The following RNF38 variants were observed in gnomAD, a reference collection of about 807,000 sequenced individuals.
The protein encoded by RNF38 is ring finger protein 38.
In RNF38, 15 loss-of-function variants were observed where a neutral mutation model predicts 67.2. The ratio of observed to expected loss-of-function variants is 0.22; its 90% CI spans 0.15 to 0.34. The LOEUF (loss-of-function observed/expected upper bound fraction) is 0.34. RNF38 is among the 10% of genes least tolerant of loss of function. RNF38 has a pLI of 1.00. For synonymous variants in RNF38, 220 were observed against 218.8 expected (o/e 1.01, Z -0.05); for missense variants, 524 against 639.9 (o/e 0.82, Z 1.95).
chr9:36,417,098 T>C (rs10972890), intron 2 of RNF38, among the ~76,000 whole-genome samples: 159 of 152,216 alleles, frequency 1.0e-3, no homozygotes, highest in African/African-American at 3.4e-3. Flanking sequence ...GCTCTCTAAA[T>C]TCGTATCAGC....
At chr9:36,446,462 T>C (rs1839302412) in intron 1 of RNF38, among the ~76,000 whole-genome samples, 1 of 152,246 alleles carries the variant, frequency 6.6e-6, no homozygotes, top group Non-Finnish European at 1.5e-5. Flanking sequence ...ACTGTTTCTT[T>C]CTTTCTTTTA....
At chr9:36,469,231 TATAG>T (rs1309771766) in intron 1 of RNF38, among the ~76,000 whole-genome samples, 3 of 152,204 alleles carry the variant, frequency 2.0e-5, no homozygotes, top group African/African-American at 7.2e-5. Flanking sequence ...GCCCTTTCTA[TATAG>T]AGAGAGAGAC....
rs1337955482 is a variant in RNF38 at position 36,458,836 on chromosome 9, A to G, written n.241+28472T>C. 3.9e-5 allele frequency among the ~76,000 whole-genome samples: 6 copies of G among 152,332 alleles called. No individual in the cohort carries two copies. The East Asian group carries it at 9.6e-4, about 24-fold the overall frequency. ...TTCACCAGTCACAAGACAGAGAGAC[A>G]AGTCCACTATATATCCTGACCAACA... On this transcript the variant is annotated intron_variant and non_coding_transcript_variant, in intron 1 of 3. Transcript: ENST00000488058.
intron 2 of RNF38, among the ~76,000 whole-genome samples, chr9:36,376,927 A>C (rs1835834448): frequency 4.8e-5 from 1 of 21,004 alleles, no homozygotes; most frequent in Non-Finnish European, 1.1e-4. Flanking sequence ...ACTCTGTCTC[A>C]AAAAAAAAAA....
At chr9:36,359,254 T>C (rs1016587227) in intron 4 of RNF38, among the ~76,000 whole-genome samples, 1 of 152,064 alleles carries the variant, frequency 6.6e-6, no homozygotes. Context: ...ATCCTTTATT[T>C]AATGGCATAT....
At chr9:36,427,694 T>C (rs13288655) in intron 1 of RNF38, among the ~76,000 whole-genome samples, 1 of 77,284 alleles carries the variant, frequency 1.3e-5, no homozygotes, top group African/African-American at 4.0e-5. Context: ...TATCTATCTA[T>C]CTATCTATCT....
intron 2 of RNF38, among the ~76,000 whole-genome samples, chr9:36,388,238 T>C (rs1483524610): frequency 2.0e-5 from 3 of 152,160 alleles, no homozygotes; most frequent in Admixed American, 6.5e-5. Context: ...TGGTTTCTTA[T>C]ACTAGATGGT....
intron 9 of RNF38, among the ~76,000 whole-genome samples, chr9:36,345,219 A>T (rs1007847400): frequency 1.3e-5 from 2 of 152,202 alleles, no homozygotes; most frequent in Admixed American, 6.5e-5. Flanking sequence ...GAAAAAATCT[A>T]AACACATACA....
intron 9 of RNF38, 38 bp downstream of exon 9, chr9:36,351,077 C>A (rs10972865): frequency 5.7e-6 from 8 of 1,408,714 alleles, no homozygotes; most frequent in East Asian, 2.3e-5. Context: ...TTCATGCACA[C>A]AATATTCCCC....
intron 4 of RNF38, among the ~76,000 whole-genome samples, chr9:36,358,480 C>A (rs1452466506): frequency 6.6e-6 from 1 of 152,140 alleles, no homozygotes. Context: ...TAAAATGTCA[C>A]ATTTATTTTT....
At chr9:36,430,876 A>G (rs775893837) in intron 1 of RNF38, among the ~76,000 whole-genome samples, 7 of 152,054 alleles carry the variant, frequency 4.6e-5, no homozygotes, top group Admixed American at 2.0e-4. Flanking sequence ...TGGCTTTTCT[A>G]TACTCTCACA....
chr9:36,398,600 AACTAT>A (rs1395234787), intron 1 of RNF38, among the ~76,000 whole-genome samples: 1 of 152,198 alleles, frequency 6.6e-6, no homozygotes, highest in East Asian at 1.9e-4. Flanking sequence ...ACTAGACAAG[AACTAT>A]ACTGTTCAAA....
chr9:36,350,316 C>T (rs897858503), intron 9 of RNF38, among the ~76,000 whole-genome samples: 2 of 152,232 alleles, frequency 1.3e-5, no homozygotes, highest in Admixed American at 1.3e-4. Context: ...CCACTCCCAT[C>T]GATTACTTCA....
Position 36,357,830 on chromosome 9 carries a change from C to T in RNF38, c.683G>A (p.Gly228Glu). Reference protein sequence around the residue: ...IPACSTQQVPGCSVVFSGQHL... With the variant: ...IPACSTQQVPECSVVFSGQHL... Reference sequence around the variant, plus strand: ...CTGTCCACTGAAAACCACAGAGCATCCTGGGACCTGCTGTGTACTACAAGC... The same window carrying T: ...CTGTCCACTGAAAACCACAGAGCATTCTGGGACCTGCTGTGTACTACAAGC... The change falls in exon 5 of 12, where the codon GGA becomes GAA. Residue 228 changes from glycine (G) to glutamate (E), a missense_variant. Physicochemically the swap from Gly to Glu is moderately conservative, Grantham distance 98. Coordinates refer to ENST00000259605, the MANE Select transcript of RNF38 (RefSeq NM_022781.5). 1 of 1,613,910 alleles carries T rather than the reference C, an allele frequency of 6.2e-7. No homozygotes were observed. The highest frequency in any genetic ancestry group is 8.5e-7 in the Non-Finnish European group (1 of 1,179,908).
chr9:36,364,697 T>A (rs1834812982), intron 4 of RNF38, among the ~76,000 whole-genome samples: 1 of 152,258 alleles, frequency 6.6e-6, no homozygotes, highest in Non-Finnish European at 1.5e-5. Flanking sequence ...GCCCACCTGT[T>A]CTTTCATGAC....
intron 1 of RNF38, among the ~76,000 whole-genome samples, chr9:36,438,855 G>A (rs1430043999): frequency 6.6e-6 from 1 of 152,124 alleles, no homozygotes; most frequent in Admixed American, 6.5e-5. Flanking sequence ...CCTAGAGAAG[G>A]GCAAACAATA....
intron 2 of RNF38, among the ~76,000 whole-genome samples, chr9:36,388,504 A>G (rs959303193): frequency 2.0e-5 from 3 of 152,192 alleles, no homozygotes; most frequent in East Asian, 1.9e-4. Context: ...CAAAAACAGG[A>G]TAACTTTTTT....
chr9:36,476,811 T>G (rs74307336), intron 1 of RNF38, among the ~76,000 whole-genome samples: 6,263 of 152,106 alleles, frequency 0.041, 208 homozygotes, highest in East Asian at 0.097. Context: ...TATAGCTGTT[T>G]CCTAATCCAG....
chr9:36,423,927 C>T (rs1490492671), intron 2 of RNF38, among the ~76,000 whole-genome samples: 6 of 20,202 alleles, frequency 3.0e-4, no homozygotes, highest in Non-Finnish European at 7.5e-4. Flanking sequence ...CCAGCCTGGG[C>T]GACAGAGCGA....
Sources: gnomAD v4.1 joint callset for allele counts (sites outside exome capture counted in the v4.1 genomes callset) on GRCh38, gnomAD v4.1.1 for gene constraint, MANE v1.5 for transcripts, NCBI Gene and HGNC (gene_info 2026-07-23, HGNC 2026-07-21) for gene names.